PALLD: variants seen among roughly 807,000 people sequenced by gnomAD.
PALLD encodes the protein palladin, cytoskeletal associated protein, also known as palladin.
Under a neutral mutation model 123.5 loss-of-function variants are expected in PALLD, and 61 were observed. The observed-to-expected ratio is 0.49, with a 90% CI of 0.40 to 0.61. The LOEUF is 0.61. Among genes scored for constraint, PALLD ranks in the 20% least tolerant of loss-of-function variants. The pLI, the probability that PALLD is intolerant of heterozygous loss-of-function variation, is 0.00. For missense variants in PALLD, 1,273 were observed against 1,377.0 expected (o/e 0.92, Z 1.20); for synonymous variants, 465 against 496.4 (o/e 0.94, Z 0.84).
chr4:168,757,893 G>A (rs762265406), intron 10 of PALLD, among the ~76,000 whole-genome samples: 5 of 152,118 alleles, frequency 3.3e-5, no homozygotes, highest in African/African-American at 7.2e-5. Context: ...CCAACATGGC[G>A]AAACCTGTCT....
At chr4:168,511,283 G>A in intron 1 of PALLD, 140 bp from the exon 2 acceptor site, 1 of 546,822 alleles carries the variant, frequency 1.8e-6, no homozygotes, top group Non-Finnish European at 3.3e-6. Flanking sequence ...AAGTATACTT[G>A]ATATTTCTTC....
chr4:168,610,767 A>C (rs1580567341), intron 2 of PALLD, among the ~76,000 whole-genome samples: 2 of 152,084 alleles, frequency 1.3e-5, no homozygotes, highest in Non-Finnish European at 2.9e-5. Flanking sequence ...TGGCTTCAAC[A>C]TCCTCCCTCT....
At chr4:168,817,792 A>G (rs1742187981) in intron 10 of PALLD, among the ~76,000 whole-genome samples, 1 of 152,252 alleles carries the variant, frequency 6.6e-6, no homozygotes, top group South Asian at 2.1e-4. Context: ...GTCTGCAACT[A>G]GGAATAAATA....
chr4:168,541,859 A>G (rs1185868689), intron 2 of PALLD, among the ~76,000 whole-genome samples: 3 of 152,230 alleles, frequency 2.0e-5, no homozygotes, highest in Non-Finnish European at 4.4e-5. Flanking sequence ...TGTCCCTTCC[A>G]GTCAACAGAT....
chr4:168,823,486 A>C (rs776142114), intron 10 of PALLD, among the ~76,000 whole-genome samples: 6 of 152,050 alleles, frequency 3.9e-5, no homozygotes, highest in Non-Finnish European at 8.8e-5. Flanking sequence ...TTGAGACCAG[A>C]CTGGGCAACG....
chr4:168,771,138 A>C (rs935824554), intron 10 of PALLD, among the ~76,000 whole-genome samples: 24 of 151,972 alleles, frequency 1.6e-4, no homozygotes, highest in Non-Finnish European at 3.5e-4. Context: ...AAAGGTCTCA[A>C]TGTTCTTATC....
At chr4:168,720,845 A>AG (rs1479566628) in intron 10 of PALLD, among the ~76,000 whole-genome samples, 1 of 152,232 alleles carries the variant, frequency 6.6e-6, no homozygotes, top group African/African-American at 2.4e-5. Flanking sequence ...AGCTTCCTGA[A>AG]GTATAAAACT....
At chr4:168,629,986 G>A (rs549351245) in intron 2 of PALLD, among the ~76,000 whole-genome samples, 1 of 152,320 alleles carries the variant, frequency 6.6e-6, no homozygotes, top group East Asian at 1.9e-4. Flanking sequence ...AACATTCACA[G>A]GTTTAGCGAA....
At chr4:168,913,255 G>C (rs1420092279) in intron 15 of PALLD, among the ~76,000 whole-genome samples, 1 of 151,234 alleles carries the variant, frequency 6.6e-6, no homozygotes, top group Non-Finnish European at 1.5e-5. Context: ...TTCTGCCTCA[G>C]CCTCCCAAGT....
chr4:168,596,475 T>C (rs906360974), intron 2 of PALLD, among the ~76,000 whole-genome samples: 1 of 152,060 alleles, frequency 6.6e-6, no homozygotes. Context: ...AGGGAACTCT[T>C]GTCTTCTGTA....
At chr4:168,711,432 T>A in intron 9 of PALLD, 149 bp from the exon 10 acceptor site, 2 of 669,576 alleles carry the variant, frequency 3.0e-6, no homozygotes, top group Admixed American at 2.4e-5. Flanking sequence ...CAGCTGGCAG[T>A]GCTTCTGCGT....
intron 2 of PALLD, among the ~76,000 whole-genome samples, chr4:168,584,587 G>A (rs905055092): frequency 5.3e-5 from 8 of 152,096 alleles, no homozygotes; most frequent in Non-Finnish European, 1.2e-4. Flanking sequence ...CACTTTTAAG[G>A]CATCTAAGGA....
intron 2 of PALLD, among the ~76,000 whole-genome samples, chr4:168,640,314 G>T (rs1387208395): frequency 6.6e-6 from 1 of 152,046 alleles, no homozygotes. Context: ...AACTCATTTG[G>T]GACTCTAATC....
chr4:168,845,783 A>T, intron 10 of PALLD, among the ~76,000 whole-genome samples: 1 of 152,256 alleles, frequency 6.6e-6, no homozygotes, highest in East Asian at 1.9e-4. Context: ...AGTCAAGACT[A>T]AGAAAGTACC....
At chr4:168,780,561 A>G (rs1489636492) in intron 10 of PALLD, among the ~76,000 whole-genome samples, 1 of 152,216 alleles carries the variant, frequency 6.6e-6, no homozygotes, top group Admixed American at 6.5e-5. Flanking sequence ...ATCCTGCCTC[A>G]TCCTTTTCCT....
At chr4:168,794,791 A>T (rs1738247295) in intron 10 of PALLD, among the ~76,000 whole-genome samples, 1 of 152,182 alleles carries the variant, frequency 6.6e-6, no homozygotes, top group African/African-American at 2.4e-5. Context: ...GTGCTTAGTA[A>T]ATAGTAAATG....
chr4:168,702,915 TTTA>T (rs1020645647), intron 8 of PALLD, among the ~76,000 whole-genome samples: 9 of 149,794 alleles, frequency 6.0e-5, no homozygotes, highest in Non-Finnish European at 1.2e-4. Flanking sequence ...TTATTTATTT[TTTA>T]TTATTATACT....
chr4:168,890,533 A>T (rs536868118), intron 10 of PALLD, among the ~76,000 whole-genome samples: 1 of 152,230 alleles, frequency 6.6e-6, no homozygotes, highest in East Asian at 1.9e-4. Flanking sequence ...TGTGGTATAT[A>T]TTTTTTTAAA....
intron 10 of PALLD, among the ~76,000 whole-genome samples, chr4:168,866,055 G>A (rs1323698146): frequency 6.6e-6 from 1 of 151,818 alleles, no homozygotes; most frequent in Admixed American, 6.6e-5. Flanking sequence ...CAAGGTGGGA[G>A]GACTGCTTGA....
Sources: gnomAD v4.1 joint callset for allele counts (sites outside exome capture counted in the v4.1 genomes callset) on GRCh38, gnomAD v4.1.1 for gene constraint, MANE v1.5 for transcripts, NCBI Gene and HGNC (gene_info 2026-07-23, HGNC 2026-07-21) for gene names.